CSPP1: variants seen among roughly 807,000 people sequenced by gnomAD.
The protein encoded by CSPP1 is centrosome and spindle pole-associated protein 1.
A neutral mutation model predicts 164.4 loss-of-function variants in CSPP1; 126 were observed. That is an observed-to-expected ratio of 0.77 (90% CI 0.66 to 0.89). The LOEUF is 0.89. CSPP1 is among the 40% of genes least tolerant of loss of function. The probability of loss-of-function intolerance (pLI) is 0.00; values close to 1 mark genes in which losing one functional copy is unlikely to be tolerated. For missense variants in CSPP1, 1,395 were observed against 1,449.8 expected, an observed-to-expected ratio of 0.96 and a Z score of 0.61; for synonymous variants, 472 against 476.7, an observed-to-expected ratio of 0.99 and a Z score of 0.13.
chr8:67,154,047 C>T lies in CSPP1; in HGVS notation c.2152C>T (p.Pro718Ser). The change falls in exon 19 of 31, where the codon CCT becomes TCT. Residue 718 changes from proline to serine, a missense_variant. Transcript: ENST00000678616. ...SSGHMQTQSS[P>S]FARGNVFGEP... ...AGGTCATATGCAAACACAGAGCTCTCCTTTTGCTCGGGGAAATGTATTTGG... is the reference window on the plus strand; with the variant it reads ...AGGTCATATGCAAACACAGAGCTCTTCTTTTGCTCGGGGAAATGTATTTGG... 1 of 1,600,422 alleles carries T rather than the reference C, an allele frequency of 6.2e-7. No individual in the cohort carries two copies. The highest frequency in any genetic ancestry group is 8.6e-7 in the Non-Finnish European group (1 of 1,168,594).
At chr8:67,134,691 C>G (rs946309039) in intron 16 of CSPP1, 3 of 151,786 alleles carry the variant, frequency 2.0e-5, no homozygotes, top group African/African-American at 7.3e-5. Context: ...TCCCGAATAG[C>G]TGGGACTATA....
intron 24 of CSPP1, among the ~76,000 whole-genome samples, chr8:67,169,058 G>A (rs1830016054): frequency 6.6e-6 from 1 of 152,154 alleles, no homozygotes; most frequent in Non-Finnish European, 1.5e-5. Flanking sequence ...TGTCTGTGGG[G>A]ATCCCAGCTA....
chr8:67,132,011 G>T lies in CSPP1; in HGVS notation c.1758G>T (p.Leu586Phe), dbSNP rs763408330. ...GTGATCAAGTGATAAATTCAGGATT[G>T]ATTTTTGAAGATAAACCGAAACCTT... ...ITSDQVINSG[L>F]IFEDKPKPSK... Residue 586 changes from leucine to phenylalanine, a missense_variant, in exon 16 of 31, where the codon TTG becomes TTT. Transcript: ENST00000678616. The T allele has an allele frequency of 6.2e-7, 1 of 1,613,780 alleles. No homozygotes were observed.
chr8:67,149,846 A>G lies in CSPP1; in HGVS notation c.2039A>G (p.Tyr680Cys), dbSNP rs775661948. Reference sequence around the variant, plus strand: ...TACCATAACCCAGATGCAAGAACATATGAAGATAAAAGGGCTGTTGTATCT... The same window carrying G: ...TACCATAACCCAGATGCAAGAACATGTGAAGATAAAAGGGCTGTTGTATCT... The part of the protein sequence containing the change: ...DAYHNPDART[Y>C]EDKRAVVSLD... Residue 680 changes from tyrosine (Y) to cysteine (C), a missense_variant, in exon 18 of 31, where the codon TAT (tyrosine) becomes TGT (cysteine). Coordinates refer to ENST00000678616, the MANE Select transcript of CSPP1 (RefSeq NM_001382391.1). 1.2e-6 allele frequency: 2 copies of G among 1,608,296 alleles called. No homozygotes were observed. The highest frequency in any genetic ancestry group is 1.7e-6 in the Non-Finnish European group (2 of 1,177,482).
chr8:67,192,404 T>C (rs1411397712), intron 29 of CSPP1, among the ~76,000 whole-genome samples: 4 of 152,210 alleles, frequency 2.6e-5, no homozygotes, highest in Non-Finnish European at 5.9e-5. Flanking sequence ...GAATTGTCTT[T>C]TTATTGAGTT....
At chr8:67,074,170 C>G in intron 1 of CSPP1, 73 bp from the exon 2 acceptor site, 1 of 764,758 alleles carries the variant, frequency 1.3e-6, no homozygotes, top group Non-Finnish European at 2.1e-6. Flanking sequence ...TAAATGTGGA[C>G]TAAGCCTACA....
intron 21 of CSPP1, among the ~76,000 whole-genome samples, chr8:67,159,907 T>C (rs1554605418): frequency 1.3e-4 from 9 of 69,616 alleles, no homozygotes; most frequent in Non-Finnish European, 1.9e-4. Context: ...TTTCTTTCTT[T>C]CTTTCTTTCT....
chr8:67,125,926 A>T (rs867719830), intron 15 of CSPP1, among the ~76,000 whole-genome samples: 1 of 152,232 alleles, frequency 6.6e-6, no homozygotes, highest in African/African-American at 2.4e-5. Flanking sequence ...TCTGCCTCCC[A>T]GGTTCAAGCG....
rs759923250 is a variant in CSPP1 at position 67,115,894 on chromosome 8, A to AT, written c.1288-12dup. 288 of 1,596,546 alleles carry AT rather than the reference A, an allele frequency of 1.8e-4. No individual in the cohort carries two copies. The highest frequency in any genetic ancestry group is 2.3e-4 in the Non-Finnish European group (269 of 1,164,738). On this transcript the variant is annotated intron_variant, in intron 12 of 30. Coordinates refer to ENST00000678616, the MANE Select transcript of CSPP1 (RefSeq NM_001382391.1). ...ACTTATGATTATATGTAACAAACAG[A>AT]TTTTTTTTCTTTATTTTAGCCTGAT...
At chr8:67,163,827 A>C in intron 23 of CSPP1, 29 bp downstream of exon 23, 1 of 1,503,530 alleles carries the variant, frequency 6.7e-7, no homozygotes, top group Non-Finnish European at 9.2e-7. Context: ...CCTGTTACCT[A>C]GAGTATTTCT....
chr8:67,138,303 A>AGT (rs751231158), intron 17 of CSPP1, among the ~76,000 whole-genome samples: 13 of 152,182 alleles, frequency 8.5e-5, no homozygotes, highest in Non-Finnish European at 1.8e-4. Context: ...AAATTGGTAA[A>AGT]GTGTTCGCAT....
chr8:67,146,796 GCACGTAAGTGC>G (rs1436721514), intron 17 of CSPP1, among the ~76,000 whole-genome samples: 2 of 152,080 alleles, frequency 1.3e-5, no homozygotes, highest in African/African-American at 4.8e-5. Flanking sequence ...TCAGTGAGGA[GCACGTAAGTGC>G]TCCTAATTTT....
At chr8:67,179,571 C>G (rs921818152) in intron 27 of CSPP1, among the ~76,000 whole-genome samples, 1 of 152,158 alleles carries the variant, frequency 6.6e-6, no homozygotes, top group Non-Finnish European at 1.5e-5. Flanking sequence ...TTTTATTTGA[C>G]TTCAACCATA....
chr8:67,169,702 A>G (rs576433295), intron 24 of CSPP1, among the ~76,000 whole-genome samples: 2 of 151,900 alleles, frequency 1.3e-5, no homozygotes, highest in Non-Finnish European at 2.9e-5. Context: ...GGCCTCCCAA[A>G]GTGCTGGGAT....
At chr8:67,138,152 C>A (rs1337305085) in intron 17 of CSPP1, among the ~76,000 whole-genome samples, 1 of 152,080 alleles carries the variant, frequency 6.6e-6, no homozygotes, top group Non-Finnish European at 1.5e-5. Flanking sequence ...AATGTTTGAT[C>A]TAGTAATCAC....
At chr8:67,113,930 G>A in intron 11 of CSPP1, 68 bp downstream of exon 11, 1 of 906,264 alleles carries the variant, frequency 1.1e-6, no homozygotes, top group Admixed American at 2.2e-5. Flanking sequence ...GGTGGCAGGT[G>A]GGGATAGAGA....
intron 24 of CSPP1, among the ~76,000 whole-genome samples, chr8:67,172,026 T>G (rs1563748012): frequency 6.6e-6 from 1 of 151,302 alleles, no homozygotes; most frequent in Non-Finnish European, 1.5e-5. Context: ...TTTTGTATTT[T>G]TAGTAGACAT....
chr8:67,086,791 C>CT (rs756568603), intron 4 of CSPP1: 1 of 1,315,458 alleles, frequency 7.6e-7, no homozygotes, highest in East Asian at 4.6e-5. Flanking sequence ...ACTTAATACA[C>CT]TTTGTCAATG....
At chr8:67,098,961 C>CTT (rs1262842719) in intron 7 of CSPP1, among the ~76,000 whole-genome samples, 4 of 140,806 alleles carry the variant, frequency 2.8e-5, no homozygotes, top group African/African-American at 5.2e-5. Flanking sequence ...TCATTAGCTT[C>CTT]TTTTTTTTTT....
Sources: allele counts gnomAD v4.1 joint callset (sites outside exome capture counted in the v4.1 genomes callset), GRCh38; gene constraint gnomAD v4.1.1; transcripts MANE v1.5; gene names NCBI Gene and HGNC (gene_info 2026-07-23, HGNC 2026-07-21).